LDLRAD2: variants seen among roughly 807,000 people sequenced by gnomAD.
The protein encoded by LDLRAD2 is low density lipoprotein receptor class A domain containing 2, also known as low-density lipoprotein receptor class A domain-containing protein 2.
Under a neutral mutation model 24.9 loss-of-function variants are expected in LDLRAD2, and 25 were observed. That is an observed-to-expected ratio of 1.00 (90% CI 0.73 to 1.40). LDLRAD2 has a LOEUF of 1.40. Among genes scored for constraint, LDLRAD2 ranks in the 40% most tolerant of loss-of-function variants. The pLI, the probability that LDLRAD2 is intolerant of heterozygous loss-of-function variation, is 0.00. For synonymous variants in LDLRAD2, 182 were observed against 166.7 expected, an observed-to-expected ratio of 1.09 and a Z score of -0.71; for missense variants, 391 against 366.2, an observed-to-expected ratio of 1.07 and a Z score of -0.55.
At chr1:21,813,924 T>A (rs1425955414) in intron 1 of LDLRAD2, among the ~76,000 whole-genome samples, 4 of 150,888 alleles carry the variant, frequency 2.7e-5, no homozygotes, top group Admixed American at 2.7e-4. Flanking sequence ...CAGGCTGGAG[T>A]GCAGTGGCTT....
At chr1:21,815,093 C>T (rs1451250902) in intron 2 of LDLRAD2, among the ~76,000 whole-genome samples, 2 of 152,122 alleles carry the variant, frequency 1.3e-5, no homozygotes, top group Admixed American at 1.3e-4. Context: ...AGCCCCAGTG[C>T]GCACACACAT....
At position 21,824,110 on chromosome 1, in the gene LDLRAD2, G is replaced by C; in HGVS notation, c.*1895G>C. 3 of 1,611,406 alleles carry C rather than the reference G, an allele frequency of 1.9e-6. No homozygotes were observed. Among genetic ancestry groups the C allele is most frequent in the Non-Finnish European group, 2.5e-6 (3 of 1,179,120 alleles). ...TGGGCCCCATCCCGAGTGCCCGGCA[G>C]GGTCCCTTACCGCAGTGCTGTCACC... is the stretch of plus-strand genomic sequence containing the variant. On this transcript the variant is annotated 3_prime_UTR_variant, in exon 5 of 5. Transcript: ENST00000344642. The surrounding 1 kb of genome is among the most constrained non-coding windows in gnomAD (Gnocchi z 5.9).
rs774982274 is a variant in LDLRAD2, at chr1:21,812,584, C to CA, written c.85+49dup. On this transcript the variant is annotated intron_variant, in intron 1 of 4. Transcript: ENST00000344642. ...GGGGCACCCAGAAGACTTGGGCCCC[C>CA]ACCATCCTTAGAGACTATGTTTCCC... 14 of 1,477,684 alleles carry CA rather than the reference C, an allele frequency of 9.5e-6. No homozygotes were observed. The African/African-American group carries it at 1.7e-4, about 17-fold the overall frequency. The allele number at this position is 1,477,684 out of a possible 1,614,324, so 91.5% of individuals were successfully genotyped here. A position where few individuals can be genotyped will look rare whatever the true frequency, so the allele number is the denominator to read the frequency against.
chr1:21,820,570 C>T (rs1197796989), intron 3 of LDLRAD2, among the ~76,000 whole-genome samples: 1 of 151,996 alleles, frequency 6.6e-6, no homozygotes, highest in African/African-American at 2.4e-5. Flanking sequence ...GCAGCCCTGC[C>T]CCCACCAACA....
chr1:21,816,049 C>A lies in LDLRAD2; in HGVS notation c.618C>A (p.Gly206=), dbSNP rs1252882672. The stretch of plus-strand genomic sequence containing the variant: ...ACTGTGGCGATGGCAGTGACCAGGG[C>A]TCCTGGTCACCAGCTGACTGCAGAG... ...MDNCGDGSDQ[G]SWSPADCRGP... Residue 206 remains glycine, a synonymous_variant, in exon 3 of 5, where the codon GGC becomes GGA. Transcript: ENST00000344642. 6.2e-7 allele frequency: 1 copy of A among 1,613,412 alleles called. No individual in the cohort carries two copies. The highest frequency in any genetic ancestry group is 1.7e-5 in the Admixed American group (1 of 60,026).
chr1:21,822,246 G>A lies in LDLRAD2; in HGVS notation c.*31G>A, dbSNP rs1188757713. ...TCATCAAAGACTCAGGAGGCCCCTG[G>A]CGGGGATAGCACCGTTTATTAAGAA... On this transcript the variant is annotated 3_prime_UTR_variant, in exon 5 of 5. Coordinates refer to ENST00000344642, the MANE Select transcript of LDLRAD2 (RefSeq NM_001013693.3). The A allele has an allele frequency of 6.2e-7, 1 of 1,602,866 alleles. No homozygotes were observed. The highest frequency in any genetic ancestry group is 8.5e-7 in the Non-Finnish European group (1 of 1,169,820).
intron 3 of LDLRAD2, among the ~76,000 whole-genome samples, chr1:21,819,496 T>G (rs557152933): frequency 6.7e-6 from 1 of 149,974 alleles, no homozygotes; most frequent in East Asian, 1.9e-4. Context: ...CTTTATAAAT[T>G]TATAAATTTA....
At position 21,815,941 on chromosome 1, in the gene LDLRAD2, A is replaced by G. The variant is rs2097943413; in HGVS notation, c.512-2A>G. ...ACCTCAGGCTTCTGCTTCTGGCCTC[A>G]GGACCTTGTGGTGCCTACTTCCGCT... On this transcript the variant is annotated splice_acceptor_variant, in intron 2 of 4. Coordinates refer to ENST00000344642, the MANE Select transcript of LDLRAD2 (RefSeq NM_001013693.3). LOFTEE classifies it high-confidence loss of function. 3 of 1,613,718 alleles carry G rather than the reference A, an allele frequency of 1.9e-6. No individual in the cohort carries two copies. In the African/African-American group the frequency reaches 4.0e-5, roughly 22 times the overall value.
At position 21,814,527 on chromosome 1, in the gene LDLRAD2, C is replaced by T. The variant is rs754874431; in HGVS notation, c.215C>T (p.Ala72Val). The change falls in exon 2 of 5, where the codon GCC (alanine) becomes GTC (valine). Residue 72 changes from alanine (A) to valine (V), a missense_variant. By Grantham distance (64) the Ala-to-Val change is moderately conservative. Coordinates refer to ENST00000344642, the MANE Select transcript of LDLRAD2 (RefSeq NM_001013693.3). ...TDCGLWVQAA[A>V]PGDRIRFQFR... is the part of the protein sequence containing the mutation. ...TGCGGGCTCTGGGTGCAGGCGGCAG[C>T]CCCCGGCGACCGGATCCGCTTCCAG... 2 of 1,612,198 alleles carry T rather than the reference C, an allele frequency of 1.2e-6. No individual in the cohort carries two copies. The highest frequency in any genetic ancestry group is 1.7e-6 in the Non-Finnish European group (2 of 1,179,488).
intron 3 of LDLRAD2, among the ~76,000 whole-genome samples, chr1:21,818,720 C>G (rs67187520): frequency 1.7e-4 from 26 of 152,286 alleles, no homozygotes; most frequent in African/African-American, 6.3e-4. Context: ...GCCAGAGGTA[C>G]CTTTTAAAAC....
At chr1:21,820,522 CAA>C (rs11370390) in intron 3 of LDLRAD2, among the ~76,000 whole-genome samples, 1 of 70,170 alleles carries the variant, frequency 1.4e-5, no homozygotes, top group Non-Finnish European at 3.0e-5. Flanking sequence ...GACTCCGTCT[CAA>C]AAAAAAAAAA....
At chr1:21,819,672 C>A (rs554865306) in intron 3 of LDLRAD2, among the ~76,000 whole-genome samples, 18 of 151,774 alleles carry the variant, frequency 1.2e-4, no homozygotes, top group African/African-American at 4.1e-4. Flanking sequence ...ATGGAATTGA[C>A]GGAGTTGATG....
At position 21,823,521 on chromosome 1, in the gene LDLRAD2, C is replaced by A. The variant is rs1382609825; in HGVS notation, c.*1306C>A. 2 of 1,608,566 alleles carry A rather than the reference C, an allele frequency of 1.2e-6. No individual in the cohort carries two copies. The highest frequency in any genetic ancestry group is 1.7e-6 in the Non-Finnish European group (2 of 1,179,418). ...GAGGTGAGAGGACAGGGCCTGTGGG[C>A]TCCAGCAGCCCAGGAGGCGAGGAAG... On this transcript the variant is annotated 3_prime_UTR_variant, in exon 5 of 5. Transcript: ENST00000344642.
chr1:21,819,417 T>G (rs2097947764), intron 3 of LDLRAD2, among the ~76,000 whole-genome samples: 1 of 151,990 alleles, frequency 6.6e-6, no homozygotes, highest in Non-Finnish European at 1.5e-5. Flanking sequence ...TTCTAATATG[T>G]ATATTAGATA....
rs370716093 is a variant in LDLRAD2, at chr1:21,816,052, C to T, written c.621C>T (p.Ser207=). ...GTGGCGATGGCAGTGACCAGGGCTC[C>T]TGGTCACCAGCTGACTGCAGAGGTC... ...DNCGDGSDQG[S]WSPADCRGPS... The change falls in exon 3 of 5, where the codon TCC becomes TCT. Residue 207 remains serine, a synonymous_variant. Coordinates refer to ENST00000344642, the MANE Select transcript of LDLRAD2 (RefSeq NM_001013693.3). The T allele has an allele frequency of 1.7e-5, 28 of 1,613,364 alleles. No individual in the cohort carries two copies. The highest frequency in any genetic ancestry group is 2.1e-5 in the Non-Finnish European group (25 of 1,179,964).
At chr1:21,819,237 G>A (rs1399427681) in intron 3 of LDLRAD2, among the ~76,000 whole-genome samples, 1 of 151,940 alleles carries the variant, frequency 6.6e-6, no homozygotes, top group Non-Finnish European at 1.5e-5. Context: ...GCTGGGCGTG[G>A]TGGCATATGC....
chr1:21,812,572 G>C, intron 1 of LDLRAD2, 36 bp downstream of exon 1: 1 of 1,551,544 alleles, frequency 6.4e-7, no homozygotes, highest in Non-Finnish European at 8.9e-7. Context: ...GCACCCAGAA[G>C]ACTTGGGCCC....
In LDLRAD2 at chr1:21,812,549, G is replaced by T; in HGVS notation, c.85+13G>T. The stretch of plus-strand genomic sequence containing the variant: ...GCTTTGGAGACAGGTAAGTATCAGG[G>T]GGCTTGGTTGGGGCACCCAGAAGAC... On this transcript the variant is annotated intron_variant, in intron 1 of 4. Coordinates refer to ENST00000344642, the MANE Select transcript of LDLRAD2 (RefSeq NM_001013693.3). 6.2e-7 allele frequency: 1 copy of T among 1,611,846 alleles called. No individual in the cohort carries two copies. Among genetic ancestry groups the T allele is most frequent in the South Asian group, 1.1e-5 (1 of 90,904 alleles).
intron 2 of LDLRAD2, among the ~76,000 whole-genome samples, chr1:21,815,314 C>T (rs956547944): frequency 3.9e-5 from 6 of 152,212 alleles, no homozygotes; most frequent in African/African-American, 1.2e-4. Context: ...CACACAGTAC[C>T]GCCTTGCACA....
Sources: gnomAD v4.1 joint callset for allele counts (sites outside exome capture counted in the v4.1 genomes callset) on GRCh38, gnomAD v4.1.1 for gene constraint, Gnocchi (gnomAD v3.1) non-coding constraint, MANE v1.5 for transcripts, NCBI Gene and HGNC (gene_info 2026-07-23, HGNC 2026-07-21) for gene names.